The following CFAP20DC variants were observed in gnomAD, a reference collection of about 807,000 sequenced individuals.
CFAP20DC encodes CFAP20 domain containing.
Under a neutral mutation model 101.7 loss-of-function variants are expected in CFAP20DC, and 84 were observed. The observed-to-expected ratio is 0.83, with a 90% CI of 0.69 to 0.99. The LOEUF is 0.99. Ranked by LOEUF, CFAP20DC falls within the 50% of genes least tolerant of loss-of-function variation. CFAP20DC has a pLI of 0.00. For missense variants in CFAP20DC, 1,007 were observed against 970.3 expected (o/e 1.04, Z -0.50); for synonymous variants, 359 against 351.2 (o/e 1.02, Z -0.25).
intron 4 of CFAP20DC, among the ~76,000 whole-genome samples, chr3:59,035,445 G>A (rs555556369): frequency 6.6e-6 from 1 of 152,150 alleles, no homozygotes; most frequent in Admixed American, 6.5e-5. Flanking sequence ...TAGACCACTA[G>A]CCAGACTACT....
intron 7 of CFAP20DC, among the ~76,000 whole-genome samples, chr3:58,877,994 T>G (rs2080897513): frequency 6.6e-6 from 1 of 152,152 alleles, no homozygotes; most frequent in South Asian, 2.1e-4. Flanking sequence ...GTGGCTTCAG[T>G]GCCAGGCAGG....
intron 15 of CFAP20DC, among the ~76,000 whole-genome samples, chr3:58,763,672 T>C (rs867812637): frequency 6.6e-5 from 10 of 152,312 alleles, no homozygotes; most frequent in Middle Eastern, 3.4e-3. Flanking sequence ...TGTGGTTTTA[T>C]CTACCTTTGG....
chr3:58,783,012 T>C (rs1454601031), intron 15 of CFAP20DC, among the ~76,000 whole-genome samples: 4 of 151,954 alleles, frequency 2.6e-5, no homozygotes, highest in African/African-American at 9.7e-5. Context: ...AGGCATCATA[T>C]TACCTGACTT....
At chr3:58,819,725 GGGT>G (rs1559644815) in intron 14 of CFAP20DC, among the ~76,000 whole-genome samples, 2 of 134,230 alleles carry the variant, frequency 1.5e-5, no homozygotes, top group African/African-American at 3.1e-5. Flanking sequence ...AAGGAGGAAC[GGGT>G]ACCATTCCTT....
intron 4 of CFAP20DC, among the ~76,000 whole-genome samples, chr3:58,994,748 T>C (rs1170934098): frequency 2.0e-5 from 3 of 151,728 alleles, no homozygotes; most frequent in Admixed American, 6.6e-5. Flanking sequence ...AACATGCAAT[T>C]AGCAGGAAGA....
At chr3:59,009,282 C>T (rs1256038930) in intron 4 of CFAP20DC, among the ~76,000 whole-genome samples, 1 of 151,838 alleles carries the variant, frequency 6.6e-6, no homozygotes, top group Non-Finnish European at 1.5e-5. Context: ...TCCTACAATA[C>T]CCCAAAAAGA....
chr3:58,816,152 C>G (rs1258413785), intron 14 of CFAP20DC, among the ~76,000 whole-genome samples: 1 of 151,740 alleles, frequency 6.6e-6, no homozygotes, highest in Non-Finnish European at 1.5e-5. Flanking sequence ...AAATGTGGCA[C>G]ACATACACCA....
rs899312449 is a variant in CFAP20DC, at chr3:58,722,553, G to A, written c.198-4925C>T. ...CTCTCGTGATGGAGTAGAAACCTGA[G>A]AGATGCCACCTTCAACTCAAAAGCC... On this transcript the variant is annotated intron_variant, in intron 3 of 3. Transcript: ENST00000486145. This position sits in a 1 kb window ranked among gnomAD's most constrained non-coding sequence, Gnocchi z 4.5. Among the ~76,000 whole-genome samples, 2 of 152,146 alleles carry A rather than the reference G, an allele frequency of 1.3e-5. No homozygotes were observed. The highest frequency in any genetic ancestry group is 4.1e-4 in the South Asian group (2 of 4,822).
At chr3:58,876,754 A>C (rs981051570) in intron 7 of CFAP20DC, among the ~76,000 whole-genome samples, 1 of 152,162 alleles carries the variant, frequency 6.6e-6, no homozygotes, top group Non-Finnish European at 1.5e-5. Context: ...AACCAGAAAA[A>C]CCTGTTGAAT....
chr3:58,849,805 C>T (rs930998400), intron 12 of CFAP20DC, among the ~76,000 whole-genome samples: 5 of 152,098 alleles, frequency 3.3e-5, no homozygotes, highest in African/African-American at 9.7e-5. Context: ...AAAGAAACAA[C>T]TAAAACTTAT....
At chr3:58,842,318 C>A (rs1462491489) in intron 13 of CFAP20DC, among the ~76,000 whole-genome samples, 12 of 152,108 alleles carry the variant, frequency 7.9e-5, no homozygotes, top group Admixed American at 7.9e-4. Flanking sequence ...GCACCGTGCG[C>A]GAGCTGAAGC....
intron 3 of CFAP20DC, among the ~76,000 whole-genome samples, chr3:58,730,514 C>G (rs75045574): frequency 0.083 from 12,668 of 152,138 alleles, 892 homozygotes; most frequent in East Asian, 0.35. Flanking sequence ...AAAGGCATCG[C>G]ATTCTGAATA....
intron 4 of CFAP20DC, among the ~76,000 whole-genome samples, chr3:58,956,926 GA>G (rs1489361046): frequency 6.6e-6 from 1 of 152,100 alleles, no homozygotes; most frequent in African/African-American, 2.4e-5. Context: ...TATGATGGGG[GA>G]AACCACACCC....
chr3:58,958,913 T>TTAA (rs1211693074), intron 4 of CFAP20DC, among the ~76,000 whole-genome samples: 1 of 151,940 alleles, frequency 6.6e-6, no homozygotes, highest in African/African-American at 2.4e-5. Context: ...GTGGTTTGTC[T>TTAA]TCATTTACTT....
chr3:58,858,385 C>G (rs1186177616), intron 12 of CFAP20DC, among the ~76,000 whole-genome samples: 1 of 152,180 alleles, frequency 6.6e-6, no homozygotes, highest in Non-Finnish European at 1.5e-5. Context: ...CTCTGCTGAA[C>G]TACATTTCTT....
intron 5 of CFAP20DC, among the ~76,000 whole-genome samples, chr3:58,921,399 C>G (rs1336739598): frequency 1.3e-5 from 2 of 152,102 alleles, no homozygotes; most frequent in Admixed American, 1.3e-4. Flanking sequence ...TAGGCAGTGA[C>G]TGCTTCAGAT....
intron 12 of CFAP20DC, among the ~76,000 whole-genome samples, chr3:58,853,158 A>G (rs2078417662): frequency 6.6e-6 from 1 of 152,188 alleles, no homozygotes; most frequent in Admixed American, 6.5e-5. Context: ...GGATATCACC[A>G]CTGATCCCAC....
At chr3:58,834,256 C>G (rs951305589) in intron 13 of CFAP20DC, among the ~76,000 whole-genome samples, 6 of 152,072 alleles carry the variant, frequency 3.9e-5, no homozygotes, top group Non-Finnish European at 8.8e-5. Flanking sequence ...ATGAGAATAC[C>G]AGCTGCTTGA....
chr3:58,861,347 T>C lies in CFAP20DC; in HGVS notation c.1593+2211A>G, dbSNP rs985882414. On this transcript the variant is annotated intron_variant, in intron 12 of 16. Transcript: ENST00000482387. This position sits in a 1 kb window ranked among gnomAD's most constrained non-coding sequence, Gnocchi z 4.0. ...ATTATGTTTTCCTGAAGTATAATTATACAAAGATAAGGATGTAACATTCTA... is the reference window on the plus strand; with the variant it reads ...ATTATGTTTTCCTGAAGTATAATTACACAAAGATAAGGATGTAACATTCTA... 3 of 753,266 alleles carry C rather than the reference T, an allele frequency of 4.0e-6. No individual in the cohort carries two copies. The African/African-American group carries it at 5.7e-5, about 14-fold the overall frequency. 46.7% of individuals were successfully genotyped at this position (753,266 alleles called of 1,614,324 possible).
Sources: gnomAD v4.1 joint callset for allele counts (sites outside exome capture counted in the v4.1 genomes callset) on GRCh38, gnomAD v4.1.1 for gene constraint, Gnocchi (gnomAD v3.1) non-coding constraint, MANE v1.5 for transcripts, NCBI Gene and HGNC (gene_info 2026-07-23, HGNC 2026-07-21) for gene names.